Variants in SEMA3E observed in about 807,000 individuals in gnomAD.
The protein encoded by SEMA3E is semaphorin 3E.
In SEMA3E, 49 loss-of-function variants were observed where a neutral mutation model predicts 93.6. That is an observed-to-expected ratio of 0.52 (90% CI 0.42 to 0.66). The LOEUF (loss-of-function observed/expected upper bound fraction) is 0.66, where lower values mean the gene tolerates loss of function less well. SEMA3E is among the 30% of genes least tolerant of loss of function. The pLI is 0.00. For synonymous variants in SEMA3E, 363 were observed against 330.7 expected (o/e 1.10, Z -1.06); for missense variants, 906 against 964.8 (o/e 0.94, Z 0.81).
chr7:83,380,500 T>A (rs1194048451), intron 16 of SEMA3E, among the ~76,000 whole-genome samples: 2 of 151,904 alleles, frequency 1.3e-5, no homozygotes, highest in Non-Finnish European at 2.9e-5. Context: ...TGTACCATAT[T>A]GTTTTTCATC....
chr7:83,640,919 TAGA>T (rs1391756926), intron 1 of SEMA3E, among the ~76,000 whole-genome samples: 1 of 147,328 alleles, frequency 6.8e-6, no homozygotes, highest in South Asian at 2.2e-4. Flanking sequence ...ACAAGACAGA[TAGA>T]AGGAGGAGGA....
intron 1 of SEMA3E, among the ~76,000 whole-genome samples, chr7:83,623,416 A>C (rs191605261): frequency 4.6e-4 from 70 of 152,294 alleles, no homozygotes; most frequent in African/African-American, 1.4e-3. Context: ...ACCCATTCTT[A>C]TAAAAATAAC....
intron 1 of SEMA3E, among the ~76,000 whole-genome samples, chr7:83,535,162 A>G (rs951932283): frequency 1.5e-4 from 23 of 152,166 alleles, no homozygotes; most frequent in African/African-American, 5.5e-4. Flanking sequence ...TTAACTTCCT[A>G]TCTATTTTTA....
chr7:83,496,543 T>C (rs1484059228), intron 1 of SEMA3E, among the ~76,000 whole-genome samples: 1 of 152,074 alleles, frequency 6.6e-6, no homozygotes, highest in Non-Finnish European at 1.5e-5. Context: ...TCATGACATT[T>C]TTAGTTTTAC....
intron 1 of SEMA3E, among the ~76,000 whole-genome samples, chr7:83,531,341 C>CTTTTTTTTTTTTTTTTTTTT (rs144165250): frequency 1.5e-5 from 1 of 68,132 alleles, no homozygotes; most frequent in Non-Finnish European, 2.6e-5. Flanking sequence ...TTGGAATATT[C>CTTTTTTTTTTTTTTTTTTTT]TTTTTTTTTT....
chr7:83,385,603 T>C (rs536541645), intron 15 of SEMA3E, among the ~76,000 whole-genome samples, 170 bp from the exon 16 acceptor site: 1 of 152,170 alleles, frequency 6.6e-6, no homozygotes, highest in East Asian at 1.9e-4. Context: ...TACCAAAATT[T>C]AGGCATGAAA....
chr7:83,532,586 T>C (rs1263582870), intron 1 of SEMA3E, among the ~76,000 whole-genome samples: 4 of 152,122 alleles, frequency 2.6e-5, no homozygotes, highest in African/African-American at 7.2e-5. Context: ...GTAAAAACAC[T>C]CCATAATCAG....
At chr7:83,482,410 C>T (rs1049481219) in intron 2 of SEMA3E, among the ~76,000 whole-genome samples, 2 of 151,304 alleles carry the variant, frequency 1.3e-5, no homozygotes, top group Non-Finnish European at 2.9e-5. Flanking sequence ...ACTAAAAATA[C>T]AAAAAATTAG....
At chr7:83,543,282 G>A (rs541500182) in intron 1 of SEMA3E, among the ~76,000 whole-genome samples, 2 of 152,064 alleles carry the variant, frequency 1.3e-5, no homozygotes, top group African/African-American at 2.4e-5. Context: ...CAGTCTTAAG[G>A]CAGTTAATTG....
At chr7:83,531,638 C>T (rs1157767735) in intron 1 of SEMA3E, among the ~76,000 whole-genome samples, 1 of 152,140 alleles carries the variant, frequency 6.6e-6, no homozygotes, top group Non-Finnish European at 1.5e-5. Flanking sequence ...CAGGCGTGAG[C>T]CACCGTTCCC....
intron 2 of SEMA3E, among the ~76,000 whole-genome samples, chr7:83,488,466 A>G (rs1427114538): frequency 6.6e-6 from 1 of 152,172 alleles, no homozygotes; most frequent in African/African-American, 2.4e-5. Flanking sequence ...AGAAAGAATC[A>G]GACTTCTCAG....
At chr7:83,643,842 T>G (rs1359023659) in intron 1 of SEMA3E, among the ~76,000 whole-genome samples, 1 of 152,018 alleles carries the variant, frequency 6.6e-6, no homozygotes, top group Non-Finnish European at 1.5e-5. Flanking sequence ...GGCTAGTGTT[T>G]CCTCCTGGGT....
At position 83,406,031 on chromosome 7, in the gene SEMA3E, A is replaced by G; in HGVS notation, c.842T>C (p.Val281Ala). 6.2e-7 allele frequency: 1 copy of G among 1,613,188 alleles called. No individual in the cohort carries two copies. Among genetic ancestry groups the G allele is most frequent in the Non-Finnish European group, 8.5e-7 (1 of 1,179,320 alleles). Residue 281 changes from valine (V) to alanine (A), a missense_variant, in exon 8 of 17, where the codon GTG (valine) becomes GCG (alanine). Transcript: ENST00000643230. ...VNDVGGQRIL[V>A]NKWSTFLKAR... Reference sequence around the variant, plus strand: ...TTTTAGGAAAGTGCTCCACTTATTCACCAGTATTCTCTGCCCTCCTACATC... The same window carrying G: ...TTTTAGGAAAGTGCTCCACTTATTCGCCAGTATTCTCTGCCCTCCTACATC...
chr7:83,437,972 T>TA (rs1311538460), intron 4 of SEMA3E, among the ~76,000 whole-genome samples: 1 of 152,058 alleles, frequency 6.6e-6, no homozygotes, highest in Non-Finnish European at 1.5e-5. Flanking sequence ...CATAAGAATA[T>TA]AAAAAATTCA....
intron 16 of SEMA3E, among the ~76,000 whole-genome samples, chr7:83,378,502 T>C (rs1348273108): frequency 3.3e-5 from 5 of 152,024 alleles, no homozygotes; most frequent in Admixed American, 2.0e-4. Context: ...CTCTTTGTCA[T>C]TCGAATATTT....
At chr7:83,557,675 AACAATT>A (rs1440632240) in intron 1 of SEMA3E, among the ~76,000 whole-genome samples, 1 of 152,176 alleles carries the variant, frequency 6.6e-6, no homozygotes, top group African/African-American at 2.4e-5. Flanking sequence ...TAAAGATGCT[AACAATT>A]ACACAAAGAA....
intron 1 of SEMA3E, among the ~76,000 whole-genome samples, chr7:83,646,033 G>A (rs945235803): frequency 1.3e-5 from 2 of 151,946 alleles, no homozygotes; most frequent in African/African-American, 2.4e-5. Flanking sequence ...ATCATTAACT[G>A]TGAAAAGAAT....
chr7:83,533,266 G>T (rs1449989110), intron 1 of SEMA3E, among the ~76,000 whole-genome samples: 2 of 152,144 alleles, frequency 1.3e-5, no homozygotes, highest in African/African-American at 4.8e-5. Flanking sequence ...AGGGGGCCAG[G>T]TGCAGTGGCT....
chr7:83,366,204 T>G lies in SEMA3E; in HGVS notation c.*1382A>C, dbSNP rs1278117040. 1.2e-4 allele frequency: 18 copies of G among 152,114 alleles called. No homozygotes were observed. Among genetic ancestry groups the G allele is most frequent in the Non-Finnish European group, 2.6e-4 (18 of 67,948 alleles). 9.4% of individuals were successfully genotyped at this position (152,114 alleles called of 1,614,324 possible). ...TTAAGATTAATATCTAAATAAATGTTCATAATGGTTCTCCTGTGTAATCCA... is the reference window on the plus strand; with the variant it reads ...TTAAGATTAATATCTAAATAAATGTGCATAATGGTTCTCCTGTGTAATCCA... On this transcript the variant is annotated 3_prime_UTR_variant, in exon 17 of 17. Transcript: ENST00000643230.
Sources: allele counts gnomAD v4.1 joint callset (sites outside exome capture counted in the v4.1 genomes callset), GRCh38; gene constraint gnomAD v4.1.1; transcripts MANE v1.5; gene names NCBI Gene and HGNC (gene_info 2026-07-23, HGNC 2026-07-21).